SGCZ: variants seen among roughly 807,000 people sequenced by gnomAD.
SGCZ encodes zeta-sarcoglycan.
SGCZ carries 40 observed loss-of-function variants against 41.3 expected under a neutral mutation model. The ratio of observed to expected loss-of-function variants is 0.97; its 90% confidence interval spans 0.75 to 1.26. The LOEUF is 1.26. SGCZ is among the 50% of genes most tolerant of loss of function. The pLI is 0.00. For synonymous variants in SGCZ, 206 were observed against 137.5 expected (o/e 1.50, Z -3.49); for missense variants, 552 against 369.8 (o/e 1.49, Z -4.04).
rs935732513 is a variant in SGCZ, at chr8:14,290,122, G to C, written c.336+33981C>G. ...TACAACTTGAGATGAGGTTTGGGTG[G>C]TGACACAGAGCCAAACTGTATTAAG... is the stretch of plus-strand genomic sequence containing the variant. On this transcript the variant is annotated intron_variant, in intron 3 of 7. Coordinates refer to ENST00000382080, the MANE Select transcript of SGCZ (RefSeq NM_139167.4). 3.3e-5 allele frequency among the ~76,000 whole-genome samples: 5 copies of C among 152,028 alleles called. No homozygotes were observed. The East Asian group carries it at 5.8e-4, about 18-fold the overall frequency.
chr8:15,062,125 A>G (rs564032509), intron 1 of SGCZ, among the ~76,000 whole-genome samples: 2 of 152,242 alleles, frequency 1.3e-5, no homozygotes, highest in Non-Finnish European at 2.9e-5. Flanking sequence ...TAAACATCCT[A>G]TAGTCTTACT....
chr8:14,721,839 C>T (rs1809896075), intron 1 of SGCZ, among the ~76,000 whole-genome samples: 1 of 151,434 alleles, frequency 6.6e-6, no homozygotes, highest in Non-Finnish European at 1.5e-5. Context: ...CATTCATTAA[C>T]TATCTGATCT....
At chr8:14,573,815 G>T (rs1204623452) in intron 1 of SGCZ, among the ~76,000 whole-genome samples, 1 of 152,118 alleles carries the variant, frequency 6.6e-6, no homozygotes, top group Non-Finnish European at 1.5e-5. Flanking sequence ...ATTGGTTAGT[G>T]TTTGAGAAAC....
At chr8:14,229,681 C>A (rs1236079663) in intron 4 of SGCZ, among the ~76,000 whole-genome samples, 6 of 151,346 alleles carry the variant, frequency 4.0e-5, no homozygotes, top group African/African-American at 4.9e-5. Context: ...TTAAAAAAAA[C>A]ATAAATTTGG....
At chr8:14,105,312 A>AATATTAATACTCTATTAATAAACTTTT (rs1802169906) in intron 6 of SGCZ, among the ~76,000 whole-genome samples, 7 of 152,090 alleles carry the variant, frequency 4.6e-5, no homozygotes. Context: ...TCTTCACCAA[A>AATATTAATACTCTATTAATAAACTTTT]ATATTAATAC....
At chr8:14,915,014 T>G (rs17120594) in intron 1 of SGCZ, among the ~76,000 whole-genome samples, 7,433 of 152,266 alleles carry the variant, frequency 0.049, 228 homozygotes, top group African/African-American at 0.088. Context: ...TTGCTACATC[T>G]AATTTATGTA....
intron 1 of SGCZ, among the ~76,000 whole-genome samples, chr8:14,601,688 C>T (rs989916760): frequency 1.3e-5 from 2 of 152,130 alleles, no homozygotes; most frequent in African/African-American, 4.8e-5. Context: ...TTCTTTTCCT[C>T]AATGTGGCAG....
At chr8:15,122,445 T>C (rs1394677717) in intron 1 of SGCZ, among the ~76,000 whole-genome samples, 1 of 152,168 alleles carries the variant, frequency 6.6e-6, no homozygotes, top group African/African-American at 2.4e-5. Context: ...TCTTATTTCC[T>C]GTGAGCTGAA....
At chr8:14,659,183 A>G (rs1004333587) in intron 1 of SGCZ, among the ~76,000 whole-genome samples, 1 of 152,182 alleles carries the variant, frequency 6.6e-6, no homozygotes, top group Non-Finnish European at 1.5e-5. Flanking sequence ...TCTGTTACAC[A>G]CTAGGGTGAC....
At chr8:14,514,783 ATGTGTGTG>A (rs200862544) in intron 2 of SGCZ, among the ~76,000 whole-genome samples, 2,712 of 100,330 alleles carry the variant, frequency 0.027, 36 homozygotes, top group East Asian at 0.088. Context: ...ATATATGTAA[ATGTGTGTG>A]TGTGTGTGTG....
intron 4 of SGCZ, among the ~76,000 whole-genome samples, chr8:14,212,754 G>A (rs1805860642): frequency 6.6e-6 from 1 of 152,102 alleles, no homozygotes; most frequent in African/African-American, 2.4e-5. Flanking sequence ...TGAATTAGAT[G>A]TAGGAATGAA....
chr8:14,412,120 T>C (rs887308543), intron 2 of SGCZ, among the ~76,000 whole-genome samples: 1 of 152,116 alleles, frequency 6.6e-6, no homozygotes, highest in Non-Finnish European at 1.5e-5. Context: ...ATGTGTCATA[T>C]GGTATTACAA....
chr8:14,890,117 T>TA (rs1175706005), intron 1 of SGCZ, among the ~76,000 whole-genome samples: 3 of 151,886 alleles, frequency 2.0e-5, no homozygotes, highest in African/African-American at 7.3e-5. Context: ...CTCGGGAGGC[T>TA]GAGGCAGGTG....
chr8:14,202,035 G>T (rs997757128), intron 4 of SGCZ, among the ~76,000 whole-genome samples: 4 of 152,090 alleles, frequency 2.6e-5, no homozygotes, highest in Non-Finnish European at 5.9e-5. Flanking sequence ...TCAGCATTTG[G>T]GATTATGTTC....
chr8:14,536,367 C>T (rs1803296760), intron 2 of SGCZ, among the ~76,000 whole-genome samples: 1 of 151,810 alleles, frequency 6.6e-6, no homozygotes, highest in African/African-American at 2.4e-5. Context: ...TTTATGATGA[C>T]TTCTGTATCG....
At chr8:14,186,031 A>G (rs965726361) in intron 4 of SGCZ, among the ~76,000 whole-genome samples, 1 of 152,132 alleles carries the variant, frequency 6.6e-6, no homozygotes, top group African/African-American at 2.4e-5. Flanking sequence ...TTTGAGTTGC[A>G]CACACTTGCC....
intron 4 of SGCZ, among the ~76,000 whole-genome samples, chr8:14,207,186 T>C (rs541333659): frequency 6.6e-6 from 1 of 152,278 alleles, no homozygotes; most frequent in Non-Finnish European, 1.5e-5. Flanking sequence ...ACCTTTGTAG[T>C]CTGATTCTTA....
intron 1 of SGCZ, among the ~76,000 whole-genome samples, chr8:14,807,552 T>C (rs1308815366): frequency 1.3e-5 from 2 of 151,638 alleles, no homozygotes; most frequent in Non-Finnish European, 2.9e-5. Context: ...CAAGGAGAAC[T>C]ACAAACCACT....
intron 3 of SGCZ, among the ~76,000 whole-genome samples, chr8:14,254,369 T>A (rs984880641): frequency 6.6e-5 from 10 of 152,214 alleles, no homozygotes; most frequent in South Asian, 4.1e-4. Context: ...GCTTGTAAAT[T>A]TGGGCAAATC....
Sources: allele counts gnomAD v4.1 joint callset (sites outside exome capture counted in the v4.1 genomes callset), GRCh38; gene constraint gnomAD v4.1.1; transcripts MANE v1.5; gene names NCBI Gene and HGNC (gene_info 2026-07-23, HGNC 2026-07-21).